TEX26: variants seen among roughly 807,000 people sequenced by gnomAD.
TEX26 encodes testis-expressed protein 26.
A neutral mutation model predicts 35.3 loss-of-function variants in TEX26; 34 were observed. That is an observed-to-expected ratio of 0.96 (90% CI 0.73 to 1.28). TEX26 has a LOEUF of 1.28. Ranked by LOEUF, TEX26 falls within the 50% of genes most tolerant of loss-of-function variation. The pLI is 0.00. For missense variants in TEX26, 371 were observed against 330.1 expected, an observed-to-expected ratio of 1.12 and a Z score of -0.96; for synonymous variants, 136 against 111.8, an observed-to-expected ratio of 1.22 and a Z score of -1.36.
chr13:30,959,203 A>G (rs538474977), intron 4 of TEX26, among the ~76,000 whole-genome samples: 1 of 152,350 alleles, frequency 6.6e-6, no homozygotes, highest in African/African-American at 2.4e-5. Context: ...AAATGTATGC[A>G]TATACTTAAA....
Position 30,952,722 on chromosome 13 carries a change from C to A in TEX26, c.209C>A (p.Thr70Lys). Residue 70 changes from threonine to lysine, a missense_variant, in exon 3 of 7, where the codon ACA becomes AAA. Physicochemically the swap from Thr to Lys is moderately conservative, Grantham distance 78. Coordinates refer to ENST00000380473, the MANE Select transcript of TEX26 (RefSeq NM_152325.3). ...YSLSDPILNQTQYSDEYTWKS... is the reference protein window; with the variant it reads ...YSLSDPILNQKQYSDEYTWKS... ...CTTAGTGATCCTATTCTCAATCAGA[C>A]ACAATATAGTGATGAGTACACTTGG... is the stretch of plus-strand genomic sequence containing the variant. 1.2e-6 allele frequency: 2 copies of A among 1,612,158 alleles called. No individual in the cohort carries two copies. Among genetic ancestry groups the A allele is most frequent in the South Asian group, 2.2e-5 (2 of 90,676 alleles).
chr13:30,967,154 C>T (rs1954566489), intron 5 of TEX26, among the ~76,000 whole-genome samples: 1 of 152,162 alleles, frequency 6.6e-6, no homozygotes, highest in Non-Finnish European at 1.5e-5. Flanking sequence ...GTGACCAAGC[C>T]ACCTCCAAGC....
At chr13:30,956,719 T>C (rs1362218291) in intron 3 of TEX26, among the ~76,000 whole-genome samples, 154 bp from the exon 4 acceptor site, 2 of 152,236 alleles carry the variant, frequency 1.3e-5, no homozygotes, top group Non-Finnish European at 2.9e-5. Flanking sequence ...GGTCAACCAA[T>C]GTCTCCTGTT....
intron 6 of TEX26, among the ~76,000 whole-genome samples, chr13:30,974,616 T>C (rs1954823225): frequency 6.6e-6 from 1 of 152,208 alleles, no homozygotes; most frequent in African/African-American, 2.4e-5. Context: ...TCGTGTTCTG[T>C]CCAGTAAGTT....
At chr13:30,952,963 C>A in intron 3 of TEX26, 138 bp downstream of exon 3, 1 of 739,242 alleles carries the variant, frequency 1.4e-6, no homozygotes, top group Non-Finnish European at 2.1e-6. Flanking sequence ...AGACTATTTC[C>A]TGTCTACCTT....
chr13:30,968,961 C>G lies in TEX26; in HGVS notation c.723C>G (p.Asp241Glu). ...AGACCACATACCAAAGTGACTACGACAAAACCTACCCAGATTTCTTAATGC... is the reference window on the plus strand; with the variant it reads ...AGACCACATACCAAAGTGACTACGAGAAAACCTACCCAGATTTCTTAATGC... ...KKQTTYQSDYDKTYPDFLMLL... is the reference protein window; with the variant it reads ...KKQTTYQSDYEKTYPDFLMLL... Residue 241 changes from aspartate to glutamate, a missense_variant, in exon 6 of 7, where the codon GAC (aspartate) becomes GAG (glutamate). Coordinates refer to ENST00000380473, the MANE Select transcript of TEX26 (RefSeq NM_152325.3). 1.2e-6 allele frequency: 2 copies of G among 1,614,106 alleles called. No homozygotes were observed. The highest frequency in any genetic ancestry group is 1.7e-6 in the Non-Finnish European group (2 of 1,179,980).
At chr13:30,937,581 A>G (rs1953321701) in intron 1 of TEX26, among the ~76,000 whole-genome samples, 1 of 152,222 alleles carries the variant, frequency 6.6e-6, no homozygotes, top group South Asian at 2.1e-4. Context: ...TCTTTTAACA[A>G]AGAACATTGA....
intron 2 of TEX26, among the ~76,000 whole-genome samples, chr13:30,949,148 G>A (rs566576835): frequency 2.0e-5 from 3 of 152,236 alleles, no homozygotes; most frequent in African/African-American, 7.2e-5. Flanking sequence ...CTGTAGCCTT[G>A]TAGTATGGTT....
intron 6 of TEX26, among the ~76,000 whole-genome samples, chr13:30,972,729 G>A (rs1039140575): frequency 6.6e-6 from 1 of 152,234 alleles, no homozygotes; most frequent in Non-Finnish European, 1.5e-5. Context: ...CTGCCTTGAG[G>A]ATTCAAGCAA....
intron 5 of TEX26, among the ~76,000 whole-genome samples, 161 bp from the exon 6 acceptor site, chr13:30,968,724 A>G (rs1056878679): frequency 2.6e-5 from 4 of 152,142 alleles, no homozygotes; most frequent in South Asian, 2.1e-4. Flanking sequence ...CATTGGAAGA[A>G]TTTGTTTAAT....
rs76496586 is a variant in TEX26, at chr13:30,963,677, A to G, written c.470-2545A>G. Among the ~76,000 whole-genome samples, 1,099 of 152,300 alleles carry G rather than the reference A, an allele frequency of 7.2e-3. 10 individuals are homozygous for G. The highest frequency in any genetic ancestry group is 0.025 in the African/African-American group (1,046 of 41,560). On this transcript the variant is annotated intron_variant, in intron 4 of 6. Coordinates refer to ENST00000380473, the MANE Select transcript of TEX26 (RefSeq NM_152325.3). ...ACTTAGTAAATACTTAATGAGTTCTATCACTGTGATAAGTACTGAGGATCA... is the reference window on the plus strand; with the variant it reads ...ACTTAGTAAATACTTAATGAGTTCTGTCACTGTGATAAGTACTGAGGATCA...
Position 30,952,741 on chromosome 13 carries a change from C to T in TEX26, c.228C>T (p.Tyr76=), listed in dbSNP as rs147583572. ...ILNQTQYSDE[Y]TWKSHSKEDL... Reference sequence around the variant, plus strand: ...ATCAGACACAATATAGTGATGAGTACACTTGGAAATCACACTCTAAAGAAG... The same window carrying T: ...ATCAGACACAATATAGTGATGAGTATACTTGGAAATCACACTCTAAAGAAG... The change falls in exon 3 of 7, where the codon TAC becomes TAT. Residue 76 remains tyrosine (Y), a synonymous_variant. Coordinates refer to ENST00000380473, the MANE Select transcript of TEX26 (RefSeq NM_152325.3). 16 of 1,612,590 alleles carry T rather than the reference C, an allele frequency of 9.9e-6. No individual in the cohort carries two copies. Among genetic ancestry groups the T allele is most frequent in the Non-Finnish European group, 1.4e-5 (16 of 1,179,164 alleles).
chr13:30,936,013 C>T (rs987790813), intron 1 of TEX26, among the ~76,000 whole-genome samples: 3 of 152,130 alleles, frequency 2.0e-5, no homozygotes, highest in African/African-American at 7.2e-5. Flanking sequence ...TTCCTAATCT[C>T]GAAATCTTTA....
Position 30,960,299 on chromosome 13 carries a change from G to T in TEX26, c.469+3270G>T, listed in dbSNP as rs140628917. Among the ~76,000 whole-genome samples, 49 of 152,270 alleles carry T rather than the reference G, an allele frequency of 3.2e-4. No individual in the cohort carries two copies. The East Asian group carries it at 8.1e-3, about 25-fold the overall frequency. On this transcript the variant is annotated intron_variant, in intron 4 of 6. Coordinates refer to ENST00000380473, the MANE Select transcript of TEX26 (RefSeq NM_152325.3). Reference sequence around the variant, plus strand: ...AGAATCTCCACCAGGCTGGAGTGCAGTTGTGTGATCTTGGCTCACTGCAGC... The same window carrying T: ...AGAATCTCCACCAGGCTGGAGTGCATTTGTGTGATCTTGGCTCACTGCAGC...
At chr13:30,950,841 C>T (rs920895519) in intron 2 of TEX26, among the ~76,000 whole-genome samples, 8 of 152,156 alleles carry the variant, frequency 5.3e-5, no homozygotes, top group Admixed American at 1.3e-4. Context: ...GGGGGACCCC[C>T]TCAGGGTTGG....
At chr13:30,937,381 T>C (rs1953312117) in intron 1 of TEX26, among the ~76,000 whole-genome samples, 1 of 152,182 alleles carries the variant, frequency 6.6e-6, no homozygotes, top group Non-Finnish European at 1.5e-5. Flanking sequence ...CTAATAGAAA[T>C]GTGATCTGGA....
At chr13:30,957,796 C>T (rs899047648) in intron 4 of TEX26, among the ~76,000 whole-genome samples, 2 of 152,124 alleles carry the variant, frequency 1.3e-5, no homozygotes, top group Admixed American at 1.3e-4. Flanking sequence ...CACCCCAGTG[C>T]CTGGCTTATC....
intron 2 of TEX26, among the ~76,000 whole-genome samples, chr13:30,948,958 T>C (rs1305590419): frequency 6.6e-6 from 1 of 152,202 alleles, no homozygotes; most frequent in Non-Finnish European, 1.5e-5. Flanking sequence ...TTTCTACATA[T>C]GGCTAGCCAG....
chr13:30,957,066 G>A (rs1156697477), intron 4 of TEX26, 37 bp downstream of exon 4: 3 of 1,601,732 alleles, frequency 1.9e-6, no homozygotes, highest in East Asian at 2.2e-5. Context: ...CCTGGGTCAT[G>A]TGGTAGGCCC....
Sources: allele counts gnomAD v4.1 joint callset (sites outside exome capture counted in the v4.1 genomes callset), GRCh38; gene constraint gnomAD v4.1.1; transcripts MANE v1.5; gene names NCBI Gene and HGNC (gene_info 2026-07-23, HGNC 2026-07-21).